The following PEBP4 variants were observed in gnomAD, a reference collection of about 807,000 sequenced individuals.
PEBP4 encodes phosphatidylethanolamine binding protein 4.
Under a neutral mutation model 23.9 loss-of-function variants are expected in PEBP4, and 22 were observed. The ratio of observed to expected loss-of-function variants is 0.92; its 90% CI spans 0.66 to 1.31. The LOEUF (loss-of-function observed/expected upper bound fraction) is 1.31. PEBP4 is among the 40% of genes most tolerant of loss of function. The pLI is 0.00. For synonymous variants in PEBP4, 112 were observed against 99.3 expected (o/e 1.13, Z -0.76); for missense variants, 324 against 281.7 (o/e 1.15, Z -1.07).
intron 4 of PEBP4, among the ~76,000 whole-genome samples, chr8:22,742,493 C>T (rs1335297538): frequency 6.6e-6 from 1 of 152,206 alleles, no homozygotes; most frequent in African/African-American, 2.4e-5. Flanking sequence ...GGGCTTGCCC[C>T]TGCTGGACTT....
chr8:22,713,276 G>A lies in PEBP4; in HGVS notation c.*94C>T. 1.4e-6 allele frequency: 2 copies of A among 1,443,434 alleles called. No individual in the cohort carries two copies. Among genetic ancestry groups the A allele is most frequent in the South Asian group, 3.0e-5 (2 of 66,244 alleles). 89.4% of individuals were successfully genotyped at this position (1,443,434 alleles called of 1,614,324 possible). A position where few individuals can be genotyped will look rare whatever the true frequency, so the allele number is the denominator to read the frequency against. On this transcript the variant is annotated 3_prime_UTR_variant, in exon 7 of 7. Transcript: ENST00000256404. ...CCCTGGATGATTTTTTTTTTATTTGGAAAAGAAGGGGTTCTGTATCCAGAG... is the reference window on the plus strand; with the variant it reads ...CCCTGGATGATTTTTTTTTTATTTGAAAAAGAAGGGGTTCTGTATCCAGAG...
intron 3 of PEBP4, among the ~76,000 whole-genome samples, chr8:22,873,878 C>G (rs1808062747): frequency 1.3e-5 from 2 of 152,040 alleles, no homozygotes; most frequent in African/African-American, 4.8e-5. Context: ...TAAGAGTTCC[C>G]CCAGTGTGTG....
At chr8:22,826,942 A>G (rs2128763372) in intron 3 of PEBP4, among the ~76,000 whole-genome samples, 1 of 152,348 alleles carries the variant, frequency 6.6e-6, no homozygotes. Context: ...GTGTATCATC[A>G]TTATCCTGGA....
At chr8:22,754,283 T>G (rs537462088) in intron 4 of PEBP4, among the ~76,000 whole-genome samples, 3 of 152,288 alleles carry the variant, frequency 2.0e-5, no homozygotes, top group African/African-American at 7.2e-5. Context: ...TAACTGCTCA[T>G]TTTTCTACCT....
At position 22,733,702 on chromosome 8, in the gene PEBP4, T is replaced by G. The variant is rs547867266; in HGVS notation, c.358-6482A>C. Among the ~76,000 whole-genome samples, 113 of 151,892 alleles carry G rather than the reference T, an allele frequency of 7.4e-4. 1 individual carries two copies. The highest frequency in any genetic ancestry group is 2.6e-3 in the African/African-American group (107 of 41,378). On this transcript the variant is annotated intron_variant, in intron 4 of 6. Transcript: ENST00000256404. ...CCTCTTCCCATTTGCACAGGAGGAT[T>G]CAATCTTCTGCCTGGGTGCAAACCC... is the stretch of plus-strand genomic sequence containing the variant.
chr8:22,851,899 C>T (rs947902041), intron 3 of PEBP4, among the ~76,000 whole-genome samples: 12 of 152,058 alleles, frequency 7.9e-5, no homozygotes, highest in Non-Finnish European at 1.5e-4. Context: ...TCATTTACTC[C>T]GAGCACCTGG....
Position 22,844,890 on chromosome 8 carries a change from AGTGTATGCCCTGGCACAAGGAAAG to A in PEBP4, c.259-27179_259-27156del, listed in dbSNP as rs1585303311. 3.3e-5 allele frequency among the ~76,000 whole-genome samples: 5 copies of A among 152,332 alleles called. No homozygotes were observed. The East Asian group carries it at 9.7e-4, about 29-fold the overall frequency. On this transcript the variant is annotated intron_variant, in intron 3 of 6. Transcript: ENST00000256404. ...GGGGCAGCCAACCCATAAGCTAGCC[AGTGTATGCCCTGGCACAAGGAAAG>A]GTGGGCCACTCTCAACCCTATGAAC...
chr8:22,924,600 G>C, intron 2 of PEBP4: 1 of 945,406 alleles, frequency 1.1e-6, no homozygotes, highest in East Asian at 1.2e-4. Flanking sequence ...GGGCCTCGGG[G>C]TAAGAATGTA....
chr8:22,903,936 G>T (rs1276854747), intron 3 of PEBP4, among the ~76,000 whole-genome samples: 1 of 152,230 alleles, frequency 6.6e-6, no homozygotes, highest in African/African-American at 2.4e-5. Context: ...CCAGCTGGGA[G>T]TGGGACTTTT....
At chr8:22,779,716 G>C (rs1366922396) in intron 4 of PEBP4, among the ~76,000 whole-genome samples, 1 of 152,232 alleles carries the variant, frequency 6.6e-6, no homozygotes, top group Admixed American at 6.5e-5. Flanking sequence ...GCACTGGGAA[G>C]GGTGAGGAAA....
At chr8:22,719,384 G>A (rs956883553) in intron 6 of PEBP4, among the ~76,000 whole-genome samples, 1 of 152,190 alleles carries the variant, frequency 6.6e-6, no homozygotes, top group African/African-American at 2.4e-5. Context: ...TGTGAGGCTG[G>A]CTTGTGACAC....
chr8:22,732,436 G>A (rs1804758164), intron 4 of PEBP4, among the ~76,000 whole-genome samples: 1 of 152,140 alleles, frequency 6.6e-6, no homozygotes, highest in African/African-American at 2.4e-5. Flanking sequence ...AGAACATCAG[G>A]ATAAATAGCT....
intron 3 of PEBP4, among the ~76,000 whole-genome samples, chr8:22,904,731 T>C (rs1297921068): frequency 6.6e-6 from 1 of 152,254 alleles, no homozygotes; most frequent in Non-Finnish European, 1.5e-5. Context: ...TATTGTTAAA[T>C]GGCTATTTTA....
intron 4 of PEBP4, chr8:22,755,941 T>C (rs1233622745): frequency 6.6e-6 from 1 of 152,242 alleles, no homozygotes; most frequent in Non-Finnish European, 1.5e-5. Context: ...CTCCTGCTGC[T>C]GCCGTACATC....
intron 3 of PEBP4, among the ~76,000 whole-genome samples, chr8:22,857,241 TACACAC>T (rs35324307): frequency 9.5e-5 from 14 of 148,112 alleles, no homozygotes; most frequent in African/African-American, 2.2e-4. Flanking sequence ...AAATGAAACC[TACACAC>T]ACACACACAC....
chr8:22,884,875 T>A (rs1327688030), intron 3 of PEBP4: 1 of 152,214 alleles, frequency 6.6e-6, no homozygotes, highest in African/African-American at 2.4e-5. Context: ...CCCTTTAATC[T>A]CTGCTCATTC....
At chr8:22,773,622 C>T (rs1201971956) in intron 4 of PEBP4, among the ~76,000 whole-genome samples, 3 of 152,166 alleles carry the variant, frequency 2.0e-5, no homozygotes, top group Non-Finnish European at 4.4e-5. Flanking sequence ...ATCCGCAGGC[C>T]TTCCTGGCCC....
At chr8:22,770,812 G>A (rs545187094) in intron 4 of PEBP4, among the ~76,000 whole-genome samples, 4 of 152,266 alleles carry the variant, frequency 2.6e-5, no homozygotes, top group South Asian at 2.1e-4. Context: ...ACGTATCCAC[G>A]CATCCGCTCA....
chr8:22,922,949 T>G (rs1381188249), intron 2 of PEBP4, among the ~76,000 whole-genome samples: 2 of 152,178 alleles, frequency 1.3e-5, no homozygotes, highest in Non-Finnish European at 2.9e-5. Flanking sequence ...CATAAGGGAC[T>G]GGGGATGAAG....
Sources: allele counts gnomAD v4.1 joint callset (sites outside exome capture counted in the v4.1 genomes callset), GRCh38; gene constraint gnomAD v4.1.1; transcripts MANE v1.5; gene names NCBI Gene and HGNC (gene_info 2026-07-23, HGNC 2026-07-21).